The following PDE3B variants were observed in gnomAD, a reference collection of about 807,000 sequenced individuals.
PDE3B encodes phosphodiesterase 3B, also known as cGMP-inhibited 3',5'-cyclic phosphodiesterase 3B.
Under a neutral mutation model 116.8 loss-of-function variants are expected in PDE3B, and 66 were observed. That is an observed-to-expected ratio of 0.56 (90% confidence interval 0.46 to 0.69). The LOEUF is 0.69. Ranked by LOEUF, PDE3B falls within the 30% of genes least tolerant of loss-of-function variation. PDE3B has a pLI of 0.00. For missense variants in PDE3B, 1,384 were observed against 1,368.1 expected (o/e 1.01, Z -0.18); for synonymous variants, 595 against 533.6 (o/e 1.12, Z -1.59).
At chr11:14,664,824 A>G (rs898211699) in intron 1 of PDE3B, among the ~76,000 whole-genome samples, 1 of 152,366 alleles carries the variant, frequency 6.6e-6, no homozygotes, top group East Asian at 1.9e-4. Flanking sequence ...TCACAGCCGA[A>G]TTATACCAGA....
At chr11:14,789,752 C>A (rs1858326217) in intron 4 of PDE3B, among the ~76,000 whole-genome samples, 2 of 151,934 alleles carry the variant, frequency 1.3e-5, no homozygotes, top group African/African-American at 4.8e-5. Context: ...TTACTTGGAA[C>A]TGAACAATGC....
chr11:14,821,797 G>C (rs571257390), intron 7 of PDE3B, among the ~76,000 whole-genome samples: 1 of 151,850 alleles, frequency 6.6e-6, no homozygotes, highest in Non-Finnish European at 1.5e-5. Flanking sequence ...TGTAAGATGG[G>C]TATTATTATC....
chr11:14,653,081 A>G (rs1053039515), intron 1 of PDE3B, among the ~76,000 whole-genome samples: 1 of 152,164 alleles, frequency 6.6e-6, no homozygotes, highest in African/African-American at 2.4e-5. Flanking sequence ...TGAATTATTT[A>G]TAGTATATAA....
rs938640220 is a variant in PDE3B at position 14,843,547 on chromosome 11, T to G, written c.2321-280T>G. Among the ~76,000 whole-genome samples the G allele has an allele frequency of 1.4e-4, 21 of 152,326 alleles. No individual in the cohort carries two copies. The South Asian group carries it at 4.3e-3, about 32-fold the overall frequency. On this transcript the variant is annotated intron_variant, in intron 11 of 15. Coordinates refer to ENST00000282096, the MANE Select transcript of PDE3B (RefSeq NM_000922.4). ...AGCAAATATTTAGAAAATCAGAGGT[T>G]TTTAAAATTATTATTTGCCTGAGTA... is the stretch of plus-strand genomic sequence containing the variant.
At chr11:14,809,726 A>T (rs1040876071) in intron 5 of PDE3B, among the ~76,000 whole-genome samples, 1 of 152,146 alleles carries the variant, frequency 6.6e-6, no homozygotes, top group Non-Finnish European at 1.5e-5. Context: ...GAAGCTAGCT[A>T]TCCTGTCAGC....
chr11:14,704,392 A>T (rs1855469050), intron 1 of PDE3B, among the ~76,000 whole-genome samples: 1 of 151,838 alleles, frequency 6.6e-6, no homozygotes, highest in African/African-American at 2.4e-5. Context: ...ATATTCTAAT[A>T]CAAATCTCAA....
chr11:14,813,151 G>A (rs1201372453), intron 5 of PDE3B, among the ~76,000 whole-genome samples: 2 of 152,114 alleles, frequency 1.3e-5, no homozygotes, highest in Non-Finnish European at 1.5e-5. Flanking sequence ...TTTTGTTATA[G>A]CAATCCAAAG....
At chr11:14,849,021 A>C (rs1352597852) in intron 12 of PDE3B, among the ~76,000 whole-genome samples, 1 of 152,126 alleles carries the variant, frequency 6.6e-6, no homozygotes, top group Non-Finnish European at 1.5e-5. Context: ...AAGAGCCTGC[A>C]TCGCCAAGTC....
chr11:14,704,293 T>C (rs546331248), intron 1 of PDE3B, among the ~76,000 whole-genome samples: 1 of 151,804 alleles, frequency 6.6e-6, no homozygotes, highest in Non-Finnish European at 1.5e-5. Flanking sequence ...AGTCCAAGCC[T>C]GTATTTTCTT....
intron 1 of PDE3B, chr11:14,674,024 G>T (rs899964730): frequency 3.4e-6 from 5 of 1,456,650 alleles, no homozygotes; most frequent in Admixed American, 3.4e-5. Context: ...AGCTGTTTTC[G>T]TCTGGTAATT....
the PDE3B span, among the ~76,000 whole-genome samples, chr11:14,896,954 A>G: frequency 1.3e-5 from 2 of 152,230 alleles, no homozygotes; most frequent in East Asian, 1.9e-4. Flanking sequence ...ACATCTGACA[A>G]TCTGATAATG....
intron 11 of PDE3B, among the ~76,000 whole-genome samples, chr11:14,843,159 C>T (rs1045118900): frequency 5.3e-5 from 8 of 152,142 alleles, no homozygotes; most frequent in South Asian, 2.1e-4. Context: ...TATTAAGACA[C>T]CAGAAGCACA....
At chr11:14,806,633 G>T (rs1858934611) in intron 5 of PDE3B, among the ~76,000 whole-genome samples, 1 of 151,724 alleles carries the variant, frequency 6.6e-6, no homozygotes, top group South Asian at 2.1e-4. Context: ...GCCGAGGCGG[G>T]CGGATCACGA....
intron 1 of PDE3B, among the ~76,000 whole-genome samples, chr11:14,667,424 T>TA (rs1262340547): frequency 6.7e-6 from 1 of 149,230 alleles, no homozygotes; most frequent in African/African-American, 2.5e-5. Flanking sequence ...CCCTAAAACT[T>TA]AAAGTATAAT....
intron 5 of PDE3B, among the ~76,000 whole-genome samples, chr11:14,807,500 A>G (rs887087419): frequency 5.9e-5 from 9 of 152,160 alleles, no homozygotes; most frequent in Admixed American, 5.9e-4. Flanking sequence ...AGAAAAAGAT[A>G]TAACTAAAAA....
At chr11:14,762,851 C>A (rs1330633932) in intron 1 of PDE3B, among the ~76,000 whole-genome samples, 1 of 152,108 alleles carries the variant, frequency 6.6e-6, no homozygotes, top group East Asian at 1.9e-4. Context: ...TTGGCCTAAG[C>A]CAAGGTAATG....
intron 6 of PDE3B, among the ~76,000 whole-genome samples, chr11:14,818,659 A>G (rs1201118600): frequency 6.6e-6 from 1 of 152,130 alleles, no homozygotes; most frequent in Non-Finnish European, 1.5e-5. Context: ...TGTTATAACT[A>G]GATGATGGAT....
At chr11:14,839,963 A>G (rs1056056943) in intron 11 of PDE3B, among the ~76,000 whole-genome samples, 2 of 152,202 alleles carry the variant, frequency 1.3e-5, no homozygotes, top group Non-Finnish European at 2.9e-5. Context: ...GAGTTGAGGG[A>G]TAACTGATAC....
intron 1 of PDE3B, among the ~76,000 whole-genome samples, chr11:14,727,776 G>T (rs1409593779): frequency 3.9e-5 from 6 of 152,024 alleles, no homozygotes; most frequent in Admixed American, 3.9e-4. Context: ...GGCCTACCCT[G>T]TTGGCTGTGA....
Sources: gnomAD v4.1 joint callset for allele counts (sites outside exome capture counted in the v4.1 genomes callset) on GRCh38, gnomAD v4.1.1 for gene constraint, MANE v1.5 for transcripts, NCBI Gene and HGNC (gene_info 2026-07-23, HGNC 2026-07-21) for gene names.